The following SLC22A25 variants were observed in gnomAD, a reference collection of about 807,000 sequenced individuals.
The protein encoded by SLC22A25 is solute carrier family 22 member 25, also known as MGI:2442751, MGI:2385316, MGI:3042283, MGI:3645714, MGI:3605624, MGI:2442750.
Under a neutral mutation model 45.9 loss-of-function variants are expected in SLC22A25, and 44 were observed. That is an observed-to-expected ratio of 0.96 (90% confidence interval 0.75 to 1.23). SLC22A25 has a LOEUF of 1.23. Ranked by LOEUF, SLC22A25 falls within the 50% of genes most tolerant of loss-of-function variation. SLC22A25 has a pLI of 0.00. For synonymous variants in SLC22A25, 283 were observed against 238.6 expected (o/e 1.19, Z -1.72); for missense variants, 800 against 666.4 (o/e 1.20, Z -2.21).
In SLC22A25 at chr11:63,233,112, C is replaced by T. The variant is rs552294816; in HGVS notation, c.-444-3016G>A. On this transcript the variant is annotated intron_variant, in intron 3 of 11. Transcript: ENST00000306494. ...AAAATTCTCTTTTTCTGTTGTGTCTCTGCCTGGCTTTGGTATCAGGATGAT... is the reference window on the plus strand; with the variant it reads ...AAAATTCTCTTTTTCTGTTGTGTCTTTGCCTGGCTTTGGTATCAGGATGAT... Among the ~76,000 whole-genome samples the T allele has an allele frequency of 8.5e-4, 130 of 152,300 alleles. 2 individuals carry two copies. Among genetic ancestry groups the T allele is most frequent in the African/African-American group, 2.9e-3 (120 of 41,572 alleles).
chr11:63,196,970 C>T (rs1227195439), intron 7 of SLC22A25, among the ~76,000 whole-genome samples: 3 of 147,096 alleles, frequency 2.0e-5, no homozygotes, highest in East Asian at 3.9e-4. Context: ...AACAGACACA[C>T]AGAGAGCCAA....
intron 9 of SLC22A25, chr11:63,166,808 A>T: frequency 2.0e-6 from 2 of 983,850 alleles, no homozygotes; most frequent in Non-Finnish European, 2.4e-6. Flanking sequence ...CTATTTTTAT[A>T]TTATGTATAT....
At chr11:63,166,577 C>CA (rs34471030) in intron 9 of SLC22A25, 12 of 1,034,842 alleles carry the variant, frequency 1.2e-5, no homozygotes, top group South Asian at 8.4e-5. Context: ...AAAATCACTG[C>CA]AAAAAAATTC....
intron 5 of SLC22A25, among the ~76,000 whole-genome samples, chr11:63,228,048 C>G (rs189371892): frequency 6.6e-6 from 1 of 152,272 alleles, no homozygotes; most frequent in East Asian, 1.9e-4. Context: ...TCTTTCCTAC[C>G]CCCTTCAATG....
chr11:63,238,254 C>A (rs1309208104), intron 2 of SLC22A25, among the ~76,000 whole-genome samples: 2 of 152,196 alleles, frequency 1.3e-5, no homozygotes, highest in Non-Finnish European at 2.9e-5. Flanking sequence ...TTGCTCCATA[C>A]TAAGTGTGGT....
At chr11:63,206,515 A>G (rs2134789046) in intron 7 of SLC22A25, among the ~76,000 whole-genome samples, 1 of 152,364 alleles carries the variant, frequency 6.6e-6, no homozygotes, top group African/African-American at 2.4e-5. Flanking sequence ...GAGCCAAATC[A>G]TGAGTGAACT....
chr11:63,187,112 T>A (rs2088586845), intron 7 of SLC22A25, among the ~76,000 whole-genome samples: 1 of 152,224 alleles, frequency 6.6e-6, no homozygotes, highest in Non-Finnish European at 1.5e-5. Flanking sequence ...GGGGATGTCA[T>A]TGAATCTATC....
chr11:63,210,466 G>T (rs1254279183), intron 7 of SLC22A25, among the ~76,000 whole-genome samples: 1 of 152,186 alleles, frequency 6.6e-6, no homozygotes, highest in Non-Finnish European at 1.5e-5. Context: ...CAAGATGCAG[G>T]CAAATGGGCC....
At chr11:63,183,874 T>C in intron 7 of SLC22A25, 57 bp from the exon 8 acceptor site, 1 of 1,607,902 alleles carries the variant, frequency 6.2e-7, no homozygotes, top group Non-Finnish European at 8.5e-7. Context: ...TTTTTTCACA[T>C]AACATTTATC....
chr11:63,180,923 A>G, intron 8 of SLC22A25, 148 bp from the exon 9 acceptor site: 1 of 588,350 alleles, frequency 1.7e-6, no homozygotes, highest in Non-Finnish European at 3.0e-6. Flanking sequence ...AATGGCAAAT[A>G]TAAAAGTGGT....
Position 63,162,619 on chromosome 11 carries a change from G to T in SLC22A25, c.*1205C>A, listed in dbSNP as rs1247137985. 6.6e-6 allele frequency among the ~76,000 whole-genome samples: 1 copy of T among 151,974 alleles called. No individual in the cohort carries two copies. Among genetic ancestry groups the T allele is most frequent in the African/African-American group, 2.4e-5 (1 of 41,376 alleles). On this transcript the variant is annotated 3_prime_UTR_variant, in exon 12 of 12. Transcript: ENST00000306494. ...ATTAAATAATTAAGGAAGAATCATT[G>T]TTTTAAATATTATTCCATCTTCATA...
intron 7 of SLC22A25, among the ~76,000 whole-genome samples, chr11:63,188,064 G>A (rs565720706): frequency 2.0e-5 from 3 of 152,102 alleles, no homozygotes; most frequent in Non-Finnish European, 2.9e-5. Flanking sequence ...CCTCATAAAA[G>A]GAGTTAGGGA....
chr11:63,197,661 T>G (rs2089093301), intron 7 of SLC22A25, among the ~76,000 whole-genome samples: 4 of 152,176 alleles, frequency 2.6e-5, no homozygotes, highest in African/African-American at 9.7e-5. Context: ...GACCTAGGCA[T>G]GGGCAAGGAC....
At chr11:63,230,230 G>A (rs1355270550) in intron 3 of SLC22A25, among the ~76,000 whole-genome samples, 134 bp from the exon 4 acceptor site, 1 of 152,198 alleles carries the variant, frequency 6.6e-6, no homozygotes, top group Non-Finnish European at 1.5e-5. Flanking sequence ...CTGATGTTCT[G>A]CTTCATGCCA....
chr11:63,221,703 C>T (rs2089857067), intron 5 of SLC22A25, among the ~76,000 whole-genome samples: 1 of 152,136 alleles, frequency 6.6e-6, no homozygotes, highest in Middle Eastern at 3.4e-3. Context: ...AAATCATTGC[C>T]CAGTCCAATG....
intron 3 of SLC22A25, among the ~76,000 whole-genome samples, chr11:63,232,356 T>G (rs190944738): frequency 0.027 from 4,135 of 152,128 alleles, 194 homozygotes; most frequent in African/African-American, 0.094. Context: ...CACATCCCTT[T>G]TAAGTTGGAT....
intron 3 of SLC22A25, among the ~76,000 whole-genome samples, chr11:63,231,949 G>C (rs1351596867): frequency 6.6e-6 from 1 of 152,142 alleles, no homozygotes; most frequent in African/African-American, 2.4e-5. Flanking sequence ...TTGTAGATAT[G>C]TGGCATTATT....
chr11:63,230,375 G>T (rs1183772098), intron 3 of SLC22A25, among the ~76,000 whole-genome samples: 1 of 152,190 alleles, frequency 6.6e-6, no homozygotes, highest in Non-Finnish European at 1.5e-5. Flanking sequence ...GATTCTTTCA[G>T]ATATTATTTG....
At chr11:63,168,730 T>C (rs551989271) in intron 9 of SLC22A25, among the ~76,000 whole-genome samples, 1 of 152,200 alleles carries the variant, frequency 6.6e-6, no homozygotes, top group East Asian at 1.9e-4. Context: ...AAAAGCAAGT[T>C]GGAAATCACA....
Sources: allele counts gnomAD v4.1 joint callset (sites outside exome capture counted in the v4.1 genomes callset), GRCh38; gene constraint gnomAD v4.1.1; transcripts MANE v1.5; gene names NCBI Gene and HGNC (gene_info 2026-07-23, HGNC 2026-07-21).